Variants in TOM1L2 observed in about 807,000 individuals in gnomAD.
The protein encoded by TOM1L2 is TOM1-like protein 2.
A neutral mutation model predicts 67.9 loss-of-function variants in TOM1L2; 31 were observed. That is an observed-to-expected ratio of 0.46 (90% CI 0.34 to 0.62). The LOEUF is 0.62. Ranked by LOEUF, TOM1L2 falls within the 20% of genes least tolerant of loss-of-function variation. The pLI, the probability that TOM1L2 is intolerant of heterozygous loss-of-function variation, is 0.01. For missense variants in TOM1L2, 606 were observed against 663.5 expected (o/e 0.91, Z 0.95); for synonymous variants, 256 against 254.0 (o/e 1.01, Z -0.07).
chr17:17,953,403 T>C (rs765743563), intron 1 of TOM1L2, among the ~76,000 whole-genome samples: 7 of 152,242 alleles, frequency 4.6e-5, no homozygotes, highest in Non-Finnish European at 7.3e-5. Context: ...AGCAGTTTGG[T>C]TGCTGCAGTA....
intron 1 of TOM1L2, among the ~76,000 whole-genome samples, chr17:17,918,989 G>A (rs2144583990): frequency 6.6e-6 from 1 of 152,276 alleles, no homozygotes; most frequent in South Asian, 2.1e-4. Flanking sequence ...GGTGAGATGA[G>A]AGCTCGGTTC....
chr17:17,923,792 A>G (rs527788402), intron 1 of TOM1L2, among the ~76,000 whole-genome samples: 1 of 152,086 alleles, frequency 6.6e-6, no homozygotes, highest in Non-Finnish European at 1.5e-5. Flanking sequence ...CAGGAACTGG[A>G]GGCTGGGAGA....
At chr17:17,971,340 A>C (rs915654963) in intron 1 of TOM1L2, among the ~76,000 whole-genome samples, 4 of 152,108 alleles carry the variant, frequency 2.6e-5, no homozygotes, top group Non-Finnish European at 2.9e-5. Context: ...CACTGACAAA[A>C]CCACTGCTAG....
chr17:17,851,135 G>C, intron 12 of TOM1L2, 183 bp from the exon 13 acceptor site: 1 of 619,948 alleles, frequency 1.6e-6, no homozygotes. Flanking sequence ...TGAGATGGCA[G>C]GTGAGGAAAG....
rs777391955 is a variant in TOM1L2, at chr17:17,898,618, C to G, written c.194G>C (p.Arg65Thr). 1.2e-6 allele frequency: 2 copies of G among 1,614,128 alleles called. No individual in the cohort carries two copies. The highest frequency in any genetic ancestry group is 1.7e-6 in the Non-Finnish European group (2 of 1,180,058). ...CACTGTTAATGCCAGCATCACCTCT[C>G]TGTAGTTCCGGTTCCCGTTGAGCCG... Reference protein sequence around the residue: ...KKRLNGNRNYREVMLALTVLE... With the variant: ...KKRLNGNRNYTEVMLALTVLE... Residue 65 changes from arginine to threonine, a missense_variant, in exon 3 of 15, where the codon AGA becomes ACA. By Grantham distance (71) the Arg-to-Thr change is moderately conservative. Coordinates refer to ENST00000379504, the MANE Select transcript of TOM1L2 (RefSeq NM_001082968.2).
intron 1 of TOM1L2, among the ~76,000 whole-genome samples, chr17:17,941,504 C>T (rs79380527): frequency 0.041 from 6,197 of 152,212 alleles, 131 homozygotes; most frequent in African/African-American, 0.053. Flanking sequence ...TACGCTGACT[C>T]CCATTAAGCC....
chr17:17,905,842 G>A (rs2039069475), intron 2 of TOM1L2, among the ~76,000 whole-genome samples: 1 of 152,180 alleles, frequency 6.6e-6, no homozygotes, highest in Non-Finnish European at 1.5e-5. Flanking sequence ...TGAAGCCAGA[G>A]TTGCTCTGGT....
intron 1 of TOM1L2, among the ~76,000 whole-genome samples, chr17:17,921,442 C>T (rs1568281820): frequency 6.6e-6 from 1 of 152,090 alleles, no homozygotes; most frequent in Non-Finnish European, 1.5e-5. Context: ...TGATGTATGC[C>T]GTTCTTTGTA....
chr17:17,882,470 C>G (rs542936523), intron 6 of TOM1L2, among the ~76,000 whole-genome samples: 2 of 152,336 alleles, frequency 1.3e-5, no homozygotes, highest in East Asian at 3.9e-4. Context: ...CTCCCAGGCA[C>G]CACTCAACCC....
intron 4 of TOM1L2, among the ~76,000 whole-genome samples, chr17:17,885,922 C>CT (rs2037974988): frequency 5.6e-5 from 4 of 71,626 alleles, no homozygotes; most frequent in Non-Finnish European, 1.1e-4. Flanking sequence ...AAGACTCCGT[C>CT]TCAAAAAAAA....
At chr17:17,873,131 T>C (rs2037238532) in intron 7 of TOM1L2, among the ~76,000 whole-genome samples, 1 of 152,208 alleles carries the variant, frequency 6.6e-6, no homozygotes, top group African/African-American at 2.4e-5. Flanking sequence ...TTATTTCCTT[T>C]TCCATCAAAC....
At chr17:17,849,043 CAGA>C in intron 13 of TOM1L2, 184 bp from the exon 14 acceptor site, 1 of 547,402 alleles carries the variant, frequency 1.8e-6, no homozygotes, top group Non-Finnish European at 3.2e-6. Flanking sequence ...ATTGGAGAAA[CAGA>C]AGCTTTGTTT....
intron 7 of TOM1L2, among the ~76,000 whole-genome samples, chr17:17,871,524 A>G (rs1568119800): frequency 1.3e-5 from 2 of 151,880 alleles, no homozygotes; most frequent in South Asian, 2.1e-4. Context: ...TACAAAAATA[A>G]ATTGGGCACA....
intron 7 of TOM1L2, among the ~76,000 whole-genome samples, chr17:17,874,334 G>A (rs113971448): frequency 2.8e-4 from 41 of 147,784 alleles, no homozygotes; most frequent in African/African-American, 9.0e-4. Context: ...ACGGTGGTAC[G>A]ATCTCAGCTC....
intron 1 of TOM1L2, among the ~76,000 whole-genome samples, chr17:17,920,077 A>G (rs539945267): frequency 2.5e-4 from 38 of 152,234 alleles, no homozygotes; most frequent in Admixed American, 7.8e-4. Flanking sequence ...GGTCCAGAGT[A>G]TTGGATGCAG....
chr17:17,946,640 C>T (rs897371552), intron 1 of TOM1L2, among the ~76,000 whole-genome samples: 1 of 152,156 alleles, frequency 6.6e-6, no homozygotes, highest in Non-Finnish European at 1.5e-5. Context: ...AAGTTACTGA[C>T]CCTAAGCTAG....
At chr17:17,971,372 C>T (rs1324177810) in intron 1 of TOM1L2, among the ~76,000 whole-genome samples, 1 of 152,116 alleles carries the variant, frequency 6.6e-6, no homozygotes, top group African/African-American at 2.4e-5. Context: ...CCATGATTCC[C>T]AGTCCAGGGC....
chr17:17,878,294 C>T (rs912584504), intron 7 of TOM1L2, among the ~76,000 whole-genome samples: 3 of 152,220 alleles, frequency 2.0e-5, no homozygotes, highest in Admixed American at 6.5e-5. Context: ...TAGGGAGAGG[C>T]CACTCAGGAC....
intron 6 of TOM1L2, 63 bp from the exon 7 acceptor site, chr17:17,879,806 T>C (rs1020724619): frequency 7.4e-7 from 1 of 1,348,516 alleles, no homozygotes; most frequent in Non-Finnish European, 1.1e-6. Flanking sequence ...ACTTGCAATA[T>C]CAGAATCAGC....
Sources: allele counts gnomAD v4.1 joint callset (sites outside exome capture counted in the v4.1 genomes callset), GRCh38; gene constraint gnomAD v4.1.1; transcripts MANE v1.5; gene names NCBI Gene and HGNC (gene_info 2026-07-23, HGNC 2026-07-21).